Variants in GRIN2A observed in about 807,000 individuals in gnomAD.
GRIN2A encodes glutamate ionotropic receptor NMDA type subunit 2A.
GRIN2A carries 22 observed loss-of-function variants against 113.4 expected under a neutral mutation model. The observed-to-expected ratio is 0.19, with a 90% CI of 0.14 to 0.28. The LOEUF is 0.28. GRIN2A is among the 10% of genes least tolerant of loss of function. GRIN2A has a pLI of 1.00. For missense variants in GRIN2A, 1,502 were observed against 1,887.0 expected (o/e 0.80, Z 3.78); for synonymous variants, 827 against 738.4 (o/e 1.12, Z -1.94).
At chr16:10,060,249 C>T (rs139333784) in intron 2 of GRIN2A, among the ~76,000 whole-genome samples, 106 of 152,296 alleles carry the variant, frequency 7.0e-4, no homozygotes, top group African/African-American at 2.3e-3. Flanking sequence ...CCTCACAGCC[C>T]AATCCTCTAT....
At chr16:9,832,285 G>A (rs2042511067) in intron 8 of GRIN2A, among the ~76,000 whole-genome samples, 1 of 151,944 alleles carries the variant, frequency 6.6e-6, no homozygotes, top group African/African-American at 2.4e-5. Flanking sequence ...AGCATCTCAA[G>A]ATTATTTCAG....
intron 10 of GRIN2A, among the ~76,000 whole-genome samples, chr16:9,805,859 A>T (rs1056419082): frequency 6.6e-6 from 1 of 152,212 alleles, no homozygotes; most frequent in Non-Finnish European, 1.5e-5. Context: ...GGCACCACTG[A>T]GGCATGACAA....
At chr16:10,044,034 G>GAGAC (rs2047216865) in intron 2 of GRIN2A, among the ~76,000 whole-genome samples, 1 of 139,910 alleles carries the variant, frequency 7.1e-6, no homozygotes, top group Admixed American at 7.1e-5. Flanking sequence ...GAGAGAGAGA[G>GAGAC]AGAGAGAGAG....
At chr16:9,920,502 A>G (rs1467374830) in intron 3 of GRIN2A, among the ~76,000 whole-genome samples, 2 of 152,110 alleles carry the variant, frequency 1.3e-5, no homozygotes, top group African/African-American at 2.4e-5. Context: ...TCCTGCTGTC[A>G]TCTTTTACAC....
chr16:10,039,832 AGAG>A (rs949871597), intron 2 of GRIN2A, among the ~76,000 whole-genome samples: 1 of 137,390 alleles, frequency 7.3e-6, no homozygotes, highest in Non-Finnish European at 1.6e-5. Context: ...AGAGAGAGAG[AGAG>A]GAGTCCTGGT....
chr16:9,864,629 A>G (rs1313176777), intron 4 of GRIN2A, among the ~76,000 whole-genome samples: 1 of 152,182 alleles, frequency 6.6e-6, no homozygotes, highest in African/African-American at 2.4e-5. Context: ...TAAAAAGCCA[A>G]TTCCATTTGG....
chr16:9,807,902 T>G (rs1220829510), intron 10 of GRIN2A, among the ~76,000 whole-genome samples: 3 of 152,218 alleles, frequency 2.0e-5, no homozygotes, highest in Non-Finnish European at 4.4e-5. Context: ...GTTTATGCAC[T>G]GGTTGAATGA....
At chr16:10,104,797 G>A (rs566407297) in intron 2 of GRIN2A, among the ~76,000 whole-genome samples, 82 of 152,220 alleles carry the variant, frequency 5.4e-4, no homozygotes, top group South Asian at 2.3e-3. Flanking sequence ...CTGTGTGCAG[G>A]GGCCGCAGTC....
chr16:9,765,299 C>CA (rs765618378), intron 12 of GRIN2A, among the ~76,000 whole-genome samples: 1 of 152,184 alleles, frequency 6.6e-6, no homozygotes, highest in Non-Finnish European at 1.5e-5. Flanking sequence ...CCCGGGTCAC[C>CA]AATCCAAGCT....
chr16:9,862,309 T>C (rs925160675), intron 4 of GRIN2A, among the ~76,000 whole-genome samples: 7 of 152,212 alleles, frequency 4.6e-5, no homozygotes, highest in African/African-American at 1.7e-4. Flanking sequence ...ACAGCTCACA[T>C]TGGAGAAGTA....
intron 12 of GRIN2A, among the ~76,000 whole-genome samples, chr16:9,765,631 G>C (rs946928482): frequency 2.6e-5 from 4 of 152,108 alleles, no homozygotes; most frequent in Admixed American, 6.5e-5. Context: ...GAGCCTATCA[G>C]TGAAGCCATT....
chr16:9,954,568 C>T (rs1434746071), intron 2 of GRIN2A, among the ~76,000 whole-genome samples: 1 of 152,168 alleles, frequency 6.6e-6, no homozygotes, highest in African/African-American at 2.4e-5. Flanking sequence ...TCATTAATAG[C>T]CTGCAGAATG....
intron 2 of GRIN2A, among the ~76,000 whole-genome samples, chr16:9,958,813 A>G (rs1209782997): frequency 6.6e-6 from 1 of 152,238 alleles, no homozygotes; most frequent in Non-Finnish European, 1.5e-5. Flanking sequence ...ACACTAAAGC[A>G]TAAACTGCCT....
intron 3 of GRIN2A, among the ~76,000 whole-genome samples, chr16:9,922,138 C>T (rs2044369286): frequency 6.6e-6 from 1 of 152,182 alleles, no homozygotes; most frequent in South Asian, 2.1e-4. Context: ...GGAGCTACCA[C>T]TTACATCCTA....
chr16:9,994,962 A>T (rs2046194596), intron 2 of GRIN2A, among the ~76,000 whole-genome samples: 1 of 152,202 alleles, frequency 6.6e-6, no homozygotes, highest in Non-Finnish European at 1.5e-5. Context: ...GGGTATGACA[A>T]GGGAGGGGAG....
intron 2 of GRIN2A, among the ~76,000 whole-genome samples, chr16:10,108,766 G>A (rs1567304761): frequency 6.6e-6 from 1 of 152,134 alleles, no homozygotes; most frequent in Non-Finnish European, 1.5e-5. Flanking sequence ...ACATTACCAT[G>A]TTAGGCAGAC....
chr16:10,060,964 T>C (rs2142006942), intron 2 of GRIN2A, among the ~76,000 whole-genome samples: 1 of 152,364 alleles, frequency 6.6e-6, no homozygotes, highest in South Asian at 2.1e-4. Flanking sequence ...TCGGTTCTCC[T>C]TTTCCTTTTT....
chr16:9,804,606 G>T (rs577095494), intron 10 of GRIN2A, among the ~76,000 whole-genome samples: 1 of 151,988 alleles, frequency 6.6e-6, no homozygotes, highest in Admixed American at 6.6e-5. Context: ...TGACACACTG[G>T]GGTCCATGCC....
chr16:9,832,247 C>T (rs575340035), intron 8 of GRIN2A, among the ~76,000 whole-genome samples: 1 of 152,140 alleles, frequency 6.6e-6, no homozygotes, highest in South Asian at 2.1e-4. Flanking sequence ...TGAGCCACTG[C>T]ACCCCCTCAG....
Sources: allele counts gnomAD v4.1 joint callset (sites outside exome capture counted in the v4.1 genomes callset), GRCh38; gene constraint gnomAD v4.1.1; transcripts MANE v1.5; gene names NCBI Gene and HGNC (gene_info 2026-07-23, HGNC 2026-07-21).